The following NDUFAF2 variants were observed in gnomAD, a reference collection of about 807,000 sequenced individuals.
NDUFAF2 encodes NADH:ubiquinone oxidoreductase complex assembly factor 2.
In NDUFAF2, 13 loss-of-function variants were observed where a neutral mutation model predicts 22.8. The ratio of observed to expected loss-of-function variants is 0.57; its 90% CI spans 0.37 to 0.91. The LOEUF is 0.91. Ranked by LOEUF, NDUFAF2 falls within the 40% of genes least tolerant of loss-of-function variation. The pLI is 0.01. For missense variants in NDUFAF2, 162 were observed against 195.2 expected (o/e 0.83, Z 1.01); for synonymous variants, 53 against 64.2 (o/e 0.83, Z 0.84).
At chr5:61,047,026 C>T (rs1475891910) in intron 1 of NDUFAF2, among the ~76,000 whole-genome samples, 3 of 152,118 alleles carry the variant, frequency 2.0e-5, no homozygotes, top group Non-Finnish European at 2.9e-5. Context: ...CTCTACAGAG[C>T]GCTAGGGCTA....
At chr5:61,142,231 C>T (rs1323012821) in intron 3 of NDUFAF2, among the ~76,000 whole-genome samples, 1 of 152,044 alleles carries the variant, frequency 6.6e-6, no homozygotes, top group Non-Finnish European at 1.5e-5. Flanking sequence ...TGCTTAGAGG[C>T]CCTTTTTGCG....
chr5:60,982,652 T>C (rs1250797051), intron 1 of NDUFAF2, among the ~76,000 whole-genome samples: 6 of 150,438 alleles, frequency 4.0e-5, no homozygotes, highest in African/African-American at 9.8e-5. Context: ...ATGCGGTGTT[T>C]GGTCTTTTGT....
At chr5:61,144,392 TTAAA>T (rs1354029101) in intron 3 of NDUFAF2, among the ~76,000 whole-genome samples, 13 of 152,224 alleles carry the variant, frequency 8.5e-5, no homozygotes, top group Non-Finnish European at 1.0e-4. Context: ...TTTACATATC[TTAAA>T]TTAATAAAAA....
At chr5:60,976,941 C>G (rs916722343) in intron 1 of NDUFAF2, among the ~76,000 whole-genome samples, 2 of 152,094 alleles carry the variant, frequency 1.3e-5, no homozygotes, top group Admixed American at 6.6e-5. Context: ...TATTGAATAT[C>G]TATCTTCTGT....
At chr5:61,043,628 A>G (rs530380307) in intron 1 of NDUFAF2, among the ~76,000 whole-genome samples, 1 of 151,994 alleles carries the variant, frequency 6.6e-6, no homozygotes, top group African/African-American at 2.4e-5. Context: ...TTCAAGTTTC[A>G]TCCAAGTTGT....
At chr5:61,020,129 A>G (rs962159722) in intron 1 of NDUFAF2, among the ~76,000 whole-genome samples, 1 of 152,126 alleles carries the variant, frequency 6.6e-6, no homozygotes, top group African/African-American at 2.4e-5. Context: ...TATGCTTTTT[A>G]CATATATTTG....
intron 1 of NDUFAF2, among the ~76,000 whole-genome samples, chr5:61,038,849 C>CTT (rs564536525): frequency 6.7e-6 from 1 of 149,812 alleles, no homozygotes; most frequent in South Asian, 2.1e-4. Context: ...GCAGCTATAA[C>CTT]TTTTTTTTTT....
chr5:61,025,374 A>T (rs1447330451), intron 1 of NDUFAF2, among the ~76,000 whole-genome samples: 2 of 152,130 alleles, frequency 1.3e-5, no homozygotes, highest in African/African-American at 4.8e-5. Context: ...TTATTTTGTT[A>T]GTAATATTAA....
At chr5:61,024,051 G>A (rs1051512249) in intron 1 of NDUFAF2, among the ~76,000 whole-genome samples, 19 of 152,118 alleles carry the variant, frequency 1.2e-4, no homozygotes, top group Admixed American at 9.8e-4. Flanking sequence ...TTTTAGCAAA[G>A]TATTATTTTG....
At chr5:61,104,287 A>G (rs556388703) in intron 3 of NDUFAF2, among the ~76,000 whole-genome samples, 1 of 152,208 alleles carries the variant, frequency 6.6e-6, no homozygotes, top group Admixed American at 6.6e-5. Context: ...ACTTTGAAAT[A>G]TTGCTTCTTT....
At chr5:61,038,389 G>T (rs1580107209) in intron 1 of NDUFAF2, among the ~76,000 whole-genome samples, 2 of 152,206 alleles carry the variant, frequency 1.3e-5, no homozygotes, top group African/African-American at 4.8e-5. Flanking sequence ...TAGAAGAGCT[G>T]TGTTCTGACC....
At chr5:61,082,829 C>T (rs562305574) in intron 2 of NDUFAF2, among the ~76,000 whole-genome samples, 8 of 152,190 alleles carry the variant, frequency 5.3e-5, no homozygotes, top group South Asian at 2.1e-4. Context: ...CTGCAATAAC[C>T]GTGCGAATGC....
chr5:61,075,715 A>G (rs1036146819), intron 2 of NDUFAF2, among the ~76,000 whole-genome samples: 3 of 152,222 alleles, frequency 2.0e-5, no homozygotes, highest in African/African-American at 4.8e-5. Flanking sequence ...AAATGTATCA[A>G]TCAAACACTA....
intron 2 of NDUFAF2, among the ~76,000 whole-genome samples, chr5:61,093,379 A>G (rs1752596197): frequency 6.6e-6 from 1 of 152,198 alleles, no homozygotes; most frequent in Non-Finnish European, 1.5e-5. Context: ...CCCATTCCAT[A>G]TATCGGCAGT....
At chr5:61,124,002 G>T (rs1264854159) in intron 3 of NDUFAF2, among the ~76,000 whole-genome samples, 7 of 152,072 alleles carry the variant, frequency 4.6e-5, no homozygotes, top group African/African-American at 1.7e-4. Flanking sequence ...TATTTGGGTG[G>T]TGAGTTGATT....
intron 1 of NDUFAF2, among the ~76,000 whole-genome samples, chr5:61,070,129 A>G (rs973505096): frequency 2.0e-5 from 3 of 152,160 alleles, no homozygotes; most frequent in South Asian, 4.1e-4. Context: ...ATATTGGATT[A>G]AATGTTTTTG....
chr5:61,041,241 A>C (rs1355623846), intron 1 of NDUFAF2, among the ~76,000 whole-genome samples: 2 of 152,190 alleles, frequency 1.3e-5, no homozygotes, highest in Non-Finnish European at 2.9e-5. Context: ...AATTACCATC[A>C]AGTAATATTC....
chr5:61,079,036 T>A (rs1418030685), intron 2 of NDUFAF2, among the ~76,000 whole-genome samples: 2 of 152,192 alleles, frequency 1.3e-5, no homozygotes, highest in Non-Finnish European at 2.9e-5. Context: ...CAGAATATAG[T>A]TGGAGGAGGC....
chr5:61,094,202 A>G (rs1580130754), intron 2 of NDUFAF2, among the ~76,000 whole-genome samples: 1 of 151,992 alleles, frequency 6.6e-6, no homozygotes, highest in East Asian at 1.9e-4. Flanking sequence ...TTTTTTGACT[A>G]TTCTTGTCTG....
Sources: allele counts gnomAD v4.1 joint callset (sites outside exome capture counted in the v4.1 genomes callset), GRCh38; gene constraint gnomAD v4.1.1; transcripts MANE v1.5; gene names NCBI Gene and HGNC (gene_info 2026-07-23, HGNC 2026-07-21).